Variants in FAT1 observed in about 807,000 individuals in gnomAD.
FAT1 encodes protocadherin Fat 1.
FAT1 carries 171 observed loss-of-function variants against 329.8 expected under a neutral mutation model. The ratio of observed to expected loss-of-function variants is 0.52; its 90% confidence interval spans 0.46 to 0.59. The LOEUF (loss-of-function observed/expected upper bound fraction) is 0.59. Among genes scored for constraint, FAT1 ranks in the 20% least tolerant of loss-of-function variants. The probability of loss-of-function intolerance (pLI) is 0.00; values close to 1 mark genes in which losing one functional copy is unlikely to be tolerated. For missense variants in FAT1, 5,672 were observed against 5,774.4 expected (o/e 0.98, Z 0.57); for synonymous variants, 2,233 against 2,228.6 (o/e 1.00, Z -0.06).
intron 2 of FAT1, among the ~76,000 whole-genome samples, chr4:186,692,468 A>T (rs958578279): frequency 6.6e-6 from 1 of 151,752 alleles, no homozygotes; most frequent in African/African-American, 2.4e-5. Context: ...GCCCGCCACC[A>T]CGCCCGGCTA....
At chr4:186,710,782 A>C (rs974947705) in intron 1 of FAT1, among the ~76,000 whole-genome samples, 1 of 152,160 alleles carries the variant, frequency 6.6e-6, no homozygotes, top group Admixed American at 6.5e-5. Flanking sequence ...CTAAGCTAAC[A>C]CACGTCAAGG....
Position 186,689,187 on chromosome 4 carries a change from ACT to A in FAT1, c.3265+17374_3265+17375del, listed in dbSNP as rs148770849. 1.1e-3 allele frequency among the ~76,000 whole-genome samples: 173 copies of A among 152,338 alleles called. 1 individual carries two copies. Among genetic ancestry groups the A allele is most frequent in the African/African-American group, 4.1e-3 (171 of 41,576 alleles). On this transcript the variant is annotated intron_variant, in intron 2 of 26. Transcript: ENST00000441802. The stretch of plus-strand genomic sequence containing the variant: ...GTCTAAATAAATCTTTTGGAAAATC[ACT>A]CTGTAAAAATATCACTTTAAGATGT...
chr4:186,666,070 A>G lies in FAT1; in HGVS notation c.3266-2457T>C, dbSNP rs374801244. 1.7e-4 allele frequency among the ~76,000 whole-genome samples: 26 copies of G among 151,326 alleles called. No individual in the cohort carries two copies. The East Asian group carries it at 4.5e-3, about 26-fold the overall frequency. On this transcript the variant is annotated intron_variant, in intron 2 of 26. Coordinates refer to ENST00000441802, the MANE Select transcript of FAT1 (RefSeq NM_005245.4). ...GGGAGGGGGGAGGGATAGCATTAGG[A>G]GATATACCTAATGTAAATGATGAGT...
rs2126695752 is a variant in FAT1, at chr4:186,708,348, C to G, written c.1480G>C (p.Glu494Gln). The G allele has an allele frequency of 1.2e-6, 2 of 1,613,950 alleles. No individual in the cohort carries two copies. The highest frequency in any genetic ancestry group is 1.7e-6 in the Non-Finnish European group (2 of 1,179,856). The change falls in exon 2 of 27, where the codon GAG becomes CAG. Residue 494 changes from glutamate (E) to glutamine (Q), a missense_variant. Glu to Gln is a conservative substitution (Grantham distance 29). Around this residue, in one of 2 missense-constraint regions of FAT1, gnomAD observed 3,966 missense variants for 3,915.2 expected, o/e 1.01. Transcript: ENST00000441802. The stretch of plus-strand genomic sequence containing the variant: ...ATACTGTATGTCACGTACCCGTTCT[C>G]ACCCTCATCAGGGTCTACGGCACTC... ...SLSAVDPDEG[E>Q]NGYVTYSIAN...
intron 1 of FAT1, among the ~76,000 whole-genome samples, chr4:186,710,936 C>G (rs1220896674): frequency 1.3e-5 from 2 of 152,208 alleles, no homozygotes; most frequent in Non-Finnish European, 2.9e-5. Context: ...GTCCACTGGG[C>G]TGAGGTCTGG....
rs1738720424 is a variant in FAT1, at chr4:186,600,016, G to A, written c.11985C>T (p.Ser3995=). ...CCACCGACTCTTCGATGTGTGCATA[G>A]CTTCTGGGTTTGCTGTTTAAAGGGA... The part of the protein sequence containing the change: ...QELPLNSKPR[S]YAHIEESVDV... Residue 3995 remains serine, a synonymous_variant, in exon 22 of 27, where the codon AGC becomes AGT. Transcript: ENST00000441802. The A allele has an allele frequency of 1.9e-6, 3 of 1,613,894 alleles. No individual in the cohort carries two copies. Among genetic ancestry groups the A allele is most frequent in the East Asian group, 2.2e-5 (1 of 44,888 alleles).
intron 24 of FAT1, 121 bp from the exon 25 acceptor site, chr4:186,597,292 G>A: frequency 8.9e-7 from 1 of 1,127,580 alleles, no homozygotes. Context: ...ATCAAACCCA[G>A]ATAAAAGACA....
chr4:186,600,709 C>G (rs554851656), intron 21 of FAT1, among the ~76,000 whole-genome samples: 102 of 152,192 alleles, frequency 6.7e-4, no homozygotes, highest in Admixed American at 1.8e-3. Context: ...TCTCTATAAA[C>G]TGTAACAGTT....
intron 2 of FAT1, among the ~76,000 whole-genome samples, chr4:186,684,248 T>C (rs1743360213): frequency 6.6e-6 from 1 of 152,212 alleles, no homozygotes; most frequent in South Asian, 2.1e-4. Context: ...CATTCTCTTG[T>C]TGTTTAATCG....
At chr4:186,717,860 C>T (rs1042139088) in intron 1 of FAT1, among the ~76,000 whole-genome samples, 3 of 152,130 alleles carry the variant, frequency 2.0e-5, no homozygotes, top group Non-Finnish European at 4.4e-5. Flanking sequence ...ATCCTCCAAC[C>T]ACTTTCTCCT....
chr4:186,673,006 C>T (rs327079), intron 2 of FAT1, among the ~76,000 whole-genome samples: 142,989 of 152,294 alleles, frequency 0.94, 67,218 homozygotes, highest in East Asian at 1. Context: ...TACACAGCTT[C>T]AAAAAAGAAG....
rs367866602 is a variant in FAT1, at chr4:186,639,125, T to C, written c.3642+597A>G. Among the ~76,000 whole-genome samples, 9 of 152,352 alleles carry C rather than the reference T, an allele frequency of 5.9e-5. No homozygotes were observed. In the East Asian group the frequency reaches 9.6e-4, roughly 16 times the overall value. On this transcript the variant is annotated intron_variant, in intron 4 of 26. Transcript: ENST00000441802. ...AAGGACTAAAAGGCATTGTAAATTA[T>C]CCATGAGAATGAGAAGCCTTATTAG...
chr4:186,694,068 C>T (rs951474562), intron 2 of FAT1, among the ~76,000 whole-genome samples: 2 of 151,946 alleles, frequency 1.3e-5, no homozygotes, highest in Admixed American at 6.6e-5. Flanking sequence ...GCTCGACCTG[C>T]CTCTCATCTA....
intron 1 of FAT1, among the ~76,000 whole-genome samples, chr4:186,716,565 G>A (rs531633296): frequency 2.2e-4 from 34 of 152,028 alleles, no homozygotes; most frequent in African/African-American, 7.2e-4. Context: ...GTACCTGGGC[G>A]TACCACCATG....
intron 3 of FAT1, among the ~76,000 whole-genome samples, chr4:186,648,110 G>A (rs1741464184): frequency 6.6e-6 from 1 of 152,152 alleles, no homozygotes. Flanking sequence ...CACAGAAGCT[G>A]TGACACGTTC....
chr4:186,618,737 T>C lies in FAT1; in HGVS notation c.7849A>G (p.Lys2617Glu), dbSNP rs1739859126. 6.2e-7 allele frequency: 1 copy of C among 1,614,032 alleles called. No individual in the cohort carries two copies. Residue 2617 changes from lysine (K) to glutamate (E), a missense_variant, in exon 10 of 27, where the codon AAA (lysine) becomes GAA (glutamate). This residue lies in a region of FAT1 where 3,966 missense variants were observed against 3,915.2 expected (regional missense o/e 1.01). Coordinates refer to ENST00000441802, the MANE Select transcript of FAT1 (RefSeq NM_005245.4). ...SSAAKGTSVV[K>E]VLASDADEGS... ...TCATCGGCATCACTTGCAAGAACTTTAACGACTGAAGTCCCTTTAGCAGCA... is the reference window on the plus strand; with the variant it reads ...TCATCGGCATCACTTGCAAGAACTTCAACGACTGAAGTCCCTTTAGCAGCA...
At position 186,652,677 on chromosome 4, in the gene FAT1, C is replaced by T. The variant is rs932426483; in HGVS notation, c.3580+10622G>A. Among the ~76,000 whole-genome samples, 9 of 152,188 alleles carry T rather than the reference C, an allele frequency of 5.9e-5. No homozygotes were observed. In the South Asian group the frequency reaches 6.2e-4, roughly 11 times the overall value. The stretch of plus-strand genomic sequence containing the variant: ...TCCTGCCATTGAAATGCGACTGGCC[C>T]GTCCTTTCCTTCCTTTGCAGCTATC... On this transcript the variant is annotated intron_variant, in intron 3 of 26. Coordinates refer to ENST00000441802, the MANE Select transcript of FAT1 (RefSeq NM_005245.4).
chr4:186,695,189 T>C (rs1345245432), intron 2 of FAT1, among the ~76,000 whole-genome samples: 2 of 152,224 alleles, frequency 1.3e-5, no homozygotes, highest in Non-Finnish European at 2.9e-5. Context: ...TAATGTGCAA[T>C]GGCAATGGAT....
chr4:186,620,695 G>C lies in FAT1; in HGVS notation c.5891C>G (p.Ser1964Cys), dbSNP rs755868187. 5 of 1,613,992 alleles carry C rather than the reference G, an allele frequency of 3.1e-6. No individual in the cohort carries two copies. In the South Asian group the frequency reaches 4.4e-5, roughly 14 times the overall value. Residue 1964 changes from serine (S) to cysteine (C), a missense_variant, in exon 10 of 27, where the codon TCT becomes TGT. Ser to Cys is a moderately radical substitution (Grantham distance 112). Around this residue, in one of 2 missense-constraint regions of FAT1, gnomAD observed 3,966 missense variants for 3,915.2 expected, o/e 1.01. Transcript: ENST00000441802. ...GCTTTCTTTCACATTAATTTTGACA[G>C]AGGTAAGGCCGGCAAATCTGCCATC... ...ASDGRFAGLTSVKINVKESKE... is the reference protein window; with the variant it reads ...ASDGRFAGLTCVKINVKESKE...
Sources: gnomAD v4.1 joint callset for allele counts (sites outside exome capture counted in the v4.1 genomes callset) on GRCh38, gnomAD v4.1.1 for gene constraint, gnomAD v4.1.1 regional missense constraint, MANE v1.5 for transcripts, NCBI Gene and HGNC (gene_info 2026-07-23, HGNC 2026-07-21) for gene names.